ASAP1: variants seen among roughly 807,000 people sequenced by gnomAD.
ASAP1 encodes the protein arf-GAP with SH3 domain, ANK repeat and PH domain-containing protein 1.
ASAP1 carries 43 observed loss-of-function variants against 145.2 expected under a neutral mutation model. The ratio of observed to expected loss-of-function variants is 0.30; its 90% CI spans 0.23 to 0.38. The LOEUF is 0.38. Among genes scored for constraint, ASAP1 ranks in the 10% least tolerant of loss-of-function variants. ASAP1 has a pLI of 1.00. For synonymous variants in ASAP1, 546 were observed against 515.5 expected, an observed-to-expected ratio of 1.06 and a Z score of -0.80; for missense variants, 1,018 against 1,355.3, an observed-to-expected ratio of 0.75 and a Z score of 3.91.
At chr8:130,177,366 A>C (rs1227524710) in intron 9 of ASAP1, among the ~76,000 whole-genome samples, 1 of 152,264 alleles carries the variant, frequency 6.6e-6, no homozygotes. Context: ...AGATTTCTAA[A>C]GTCAGGTGAA....
chr8:130,075,937 C>T (rs775651337), intron 27 of ASAP1, among the ~76,000 whole-genome samples: 6 of 152,278 alleles, frequency 3.9e-5, no homozygotes, highest in East Asian at 1.9e-4. Flanking sequence ...CAAAACCTCA[C>T]GAAGTATTAT....
intron 13 of ASAP1, among the ~76,000 whole-genome samples, chr8:130,145,422 A>G (rs2097626356): frequency 6.6e-6 from 1 of 151,970 alleles, no homozygotes; most frequent in Non-Finnish European, 1.5e-5. Flanking sequence ...GGTTCAAGCG[A>G]TTCTCCTGCC....
chr8:130,168,892 A>G, intron 10 of ASAP1, 100 bp downstream of exon 10: 1 of 711,578 alleles, frequency 1.4e-6, no homozygotes, highest in Non-Finnish European at 2.4e-6. Flanking sequence ...ATATCATTTA[A>G]TCTTTTCTGC....
chr8:130,151,681 A>G (rs1343085978), intron 13 of ASAP1, among the ~76,000 whole-genome samples: 1 of 152,260 alleles, frequency 6.6e-6, no homozygotes, highest in Non-Finnish European at 1.5e-5. Context: ...AGATGTGTGC[A>G]GTCATTTACC....
chr8:130,397,711 T>A (rs913609142), intron 2 of ASAP1, among the ~76,000 whole-genome samples: 1 of 152,210 alleles, frequency 6.6e-6, no homozygotes, highest in African/African-American at 2.4e-5. Context: ...ATGTGGGAAC[T>A]TTTCCCCCAT....
intron 10 of ASAP1, 41 bp downstream of exon 10, chr8:130,168,951 T>C: frequency 8.2e-7 from 1 of 1,221,182 alleles, no homozygotes; most frequent in Admixed American, 2.4e-5. Context: ...AACTTATCCA[T>C]GAAAGCAAGT....
chr8:130,121,818 T>G (rs900673575), intron 18 of ASAP1, among the ~76,000 whole-genome samples: 2 of 75,506 alleles, frequency 2.6e-5, no homozygotes, highest in African/African-American at 8.8e-5. Context: ...AAAAAGAACA[T>G]ACGATCAATT....
intron 2 of ASAP1, among the ~76,000 whole-genome samples, chr8:130,398,288 C>T (rs1264086758): frequency 6.6e-6 from 1 of 152,222 alleles, no homozygotes; most frequent in Non-Finnish European, 1.5e-5. Flanking sequence ...ATCCCCTACC[C>T]ACCCAAGGGT....
intron 27 of ASAP1, among the ~76,000 whole-genome samples, chr8:130,071,011 GGAGAGAGAGAGAGA>G (rs1230151527): frequency 4.4e-4 from 5 of 11,436 alleles, no homozygotes; most frequent in Non-Finnish European, 7.0e-4. Context: ...GGGGAGGGGG[GGAGAGAGAGAGAGA>G]GAGAGAGAGA....
chr8:130,140,038 T>A (rs1156921235), intron 13 of ASAP1, among the ~76,000 whole-genome samples: 1 of 81,800 alleles, frequency 1.2e-5, no homozygotes, highest in African/African-American at 4.3e-5. Context: ...CTCCTTTTTG[T>A]TTTTTTTTTT....
At chr8:130,380,210 A>T (rs1484862553) in intron 2 of ASAP1, among the ~76,000 whole-genome samples, 1 of 152,206 alleles carries the variant, frequency 6.6e-6, no homozygotes, top group African/African-American at 2.4e-5. Context: ...GCAGAAAGGA[A>T]GCCAACAATG....
At chr8:130,262,947 GA>G (rs1428091954) in intron 3 of ASAP1, among the ~76,000 whole-genome samples, 1 of 152,160 alleles carries the variant, frequency 6.6e-6, no homozygotes, top group Non-Finnish European at 1.5e-5. Context: ...GACCAAGAGA[GA>G]AATCACTCCT....
Position 130,054,760 on chromosome 8 carries a change from C to G in ASAP1, c.3361G>C (p.Val1121Leu), listed in dbSNP as rs768155236. 3.7e-6 allele frequency: 6 copies of G among 1,613,738 alleles called. No individual in the cohort carries two copies. The highest frequency in any genetic ancestry group is 5.1e-6 in the Non-Finnish European group (6 of 1,179,700). The change falls in exon 30 of 30, where the codon GTG becomes CTG. Residue 1121 changes from valine to leucine, a missense_variant. Transcript: ENST00000518721. ...GQPERKGVFP[V>L]SFVHILSD ...TCAGACAGGATATGAACAAAGGACA[C>G]TGGAAAGACCCCCTTCCTTTCAGGC...
intron 3 of ASAP1, among the ~76,000 whole-genome samples, chr8:130,248,326 C>T (rs1304323072): frequency 6.6e-6 from 1 of 152,062 alleles, no homozygotes; most frequent in Non-Finnish European, 1.5e-5. Flanking sequence ...TGTGGGGATA[C>T]CTGGTGAAGA....
intron 3 of ASAP1, among the ~76,000 whole-genome samples, chr8:130,326,750 T>G (rs999900555): frequency 6.6e-6 from 1 of 152,244 alleles, no homozygotes; most frequent in Non-Finnish European, 1.5e-5. Flanking sequence ...GATTCTTCTA[T>G]GAGAATCCCA....
At chr8:130,154,826 A>T (rs1399122532) in intron 12 of ASAP1, among the ~76,000 whole-genome samples, 5 of 152,236 alleles carry the variant, frequency 3.3e-5, no homozygotes, top group Non-Finnish European at 7.3e-5. Flanking sequence ...CTGAGGAGGT[A>T]ATTTAACTAC....
At position 130,139,915 on chromosome 8, in the gene ASAP1, C is replaced by G. The variant is rs1586419804; in HGVS notation, c.1081-2877G>C. ...CAACAGATACAACCAAGAGTAGATA[C>G]AAATCTTAAAAAAAAAAAAACAACA... On this transcript the variant is annotated intron_variant, in intron 13 of 29. Transcript: ENST00000518721. 2.8e-5 allele frequency among the ~76,000 whole-genome samples: 4 copies of G among 141,746 alleles called. 1 individual carries two copies. The highest frequency in any genetic ancestry group is 1.0e-4 in the African/African-American group (4 of 39,382). 93.0% of individuals were successfully genotyped at this position (141,746 alleles called of 152,430 possible).
intron 3 of ASAP1, among the ~76,000 whole-genome samples, chr8:130,262,457 A>AT (rs796416744): frequency 7.8e-6 from 1 of 127,804 alleles, no homozygotes. Flanking sequence ...AGAGAGAGAG[A>AT]ACCTGTGGAA....
At chr8:130,198,289 T>G (rs1815642303) in intron 5 of ASAP1, among the ~76,000 whole-genome samples, 2 of 152,124 alleles carry the variant, frequency 1.3e-5, no homozygotes, top group Admixed American at 1.3e-4. Flanking sequence ...CACACCCAGC[T>G]GATTTTTGTA....
Sources: allele counts gnomAD v4.1 joint callset (sites outside exome capture counted in the v4.1 genomes callset), GRCh38; gene constraint gnomAD v4.1.1; transcripts MANE v1.5; gene names NCBI Gene and HGNC (gene_info 2026-07-23, HGNC 2026-07-21).